TSGA10: variants seen among roughly 807,000 people sequenced by gnomAD.
TSGA10 encodes testis-specific gene 10 protein.
TSGA10 carries 43 observed loss-of-function variants against 96.6 expected under a neutral mutation model. The observed-to-expected ratio is 0.44, with a 90% CI of 0.35 to 0.57. The LOEUF is 0.57. Ranked by LOEUF, TSGA10 falls within the 20% of genes least tolerant of loss-of-function variation. The pLI, the probability that TSGA10 is intolerant of heterozygous loss-of-function variation, is 0.01. For synonymous variants in TSGA10, 229 were observed against 269.9 expected, an observed-to-expected ratio of 0.85 and a Z score of 1.48; for missense variants, 703 against 834.4, an observed-to-expected ratio of 0.84 and a Z score of 1.94.
At chr2:99,117,931 A>G (rs993656163) in intron 3 of TSGA10, among the ~76,000 whole-genome samples, 172 bp from the exon 4 acceptor site, 1 of 152,130 alleles carries the variant, frequency 6.6e-6, no homozygotes, top group Non-Finnish European at 1.5e-5. Context: ...TACCTATTTG[A>G]AAAAATATAT....
chr2:99,144,707 T>C (rs935198740), intron 1 of TSGA10, among the ~76,000 whole-genome samples: 1 of 146,872 alleles, frequency 6.8e-6, no homozygotes, highest in Non-Finnish European at 1.5e-5. Flanking sequence ...TGGTCTCTGT[T>C]ACTCCATCAT....
chr2:99,144,296 C>T lies in TSGA10; in HGVS notation c.-621+10397G>A, dbSNP rs1194248241. 3.3e-5 allele frequency among the ~76,000 whole-genome samples: 5 copies of T among 152,228 alleles called. No individual in the cohort carries two copies. The South Asian group carries it at 1.0e-3, about 32-fold the overall frequency. On this transcript the variant is annotated intron_variant, in intron 1 of 20. Transcript: ENST00000393483. The stretch of plus-strand genomic sequence containing the variant: ...TCGGCCTCCCAAAGTGCTGGGATTA[C>T]AGGCATGAGCCACCGCGCCCGGCCT...
chr2:99,015,709 G>A (rs566489285), intron 20 of TSGA10, among the ~76,000 whole-genome samples: 1 of 152,234 alleles, frequency 6.6e-6, no homozygotes, highest in East Asian at 1.9e-4. Flanking sequence ...AACTATCACT[G>A]TTCACTGACG....
At chr2:99,107,433 C>T (rs770581973) in intron 7 of TSGA10, among the ~76,000 whole-genome samples, 1 of 151,966 alleles carries the variant, frequency 6.6e-6, no homozygotes, top group Non-Finnish European at 1.5e-5. Flanking sequence ...AAAAATGATA[C>T]TTTGTTCATA....
chr2:99,066,545 A>G (rs1177701949), intron 15 of TSGA10, among the ~76,000 whole-genome samples: 2 of 152,172 alleles, frequency 1.3e-5, no homozygotes, highest in Non-Finnish European at 2.9e-5. Flanking sequence ...TAAAGCAGGA[A>G]CCATTTTTAT....
At chr2:99,147,700 GTAA>G (rs905713225) in intron 1 of TSGA10, among the ~76,000 whole-genome samples, 2 of 152,070 alleles carry the variant, frequency 1.3e-5, no homozygotes, top group Non-Finnish European at 2.9e-5. Flanking sequence ...CTACAGAAAT[GTAA>G]TAATAATAAT....
intron 16 of TSGA10, among the ~76,000 whole-genome samples, chr2:99,047,937 T>C (rs552045442): frequency 3.2e-4 from 49 of 152,090 alleles, no homozygotes; most frequent in African/African-American, 1.1e-3. Flanking sequence ...ATAGACAAAC[T>C]GAGGGCTAAA....
intron 1 of TSGA10, among the ~76,000 whole-genome samples, chr2:99,130,206 C>T (rs1307781312): frequency 6.6e-6 from 1 of 152,198 alleles, no homozygotes; most frequent in Non-Finnish European, 1.5e-5. Context: ...GGAATCGCCA[C>T]ACTGTCTTCC....
At chr2:99,030,010 G>A (rs201255395) in intron 17 of TSGA10, among the ~76,000 whole-genome samples, 1 of 152,334 alleles carries the variant, frequency 6.6e-6, no homozygotes, top group Admixed American at 6.5e-5. Context: ...GAACTAGTAA[G>A]TGGATTTGGC....
chr2:99,150,694 A>C, intron 1 of TSGA10: 1 of 1,614,116 alleles, frequency 6.2e-7, no homozygotes, highest in Non-Finnish European at 8.5e-7. Flanking sequence ...AAACACCAAG[A>C]AAATAAGATT....
At chr2:99,123,167 T>C (rs1328420154) in intron 2 of TSGA10, among the ~76,000 whole-genome samples, 1 of 152,208 alleles carries the variant, frequency 6.6e-6, no homozygotes, top group East Asian at 1.9e-4. Context: ...GCATGGTTTC[T>C]CTCTGGTTAC....
chr2:99,140,274 C>A (rs1473447275), intron 1 of TSGA10, among the ~76,000 whole-genome samples: 1 of 152,172 alleles, frequency 6.6e-6, no homozygotes, highest in African/African-American at 2.4e-5. Context: ...AATGCGACAT[C>A]CTACTTCTAT....
intron 1 of TSGA10, among the ~76,000 whole-genome samples, chr2:99,134,557 C>A (rs968456011): frequency 6.6e-6 from 1 of 152,026 alleles, no homozygotes; most frequent in Non-Finnish European, 1.5e-5. Context: ...TTGTTATTAC[C>A]CACCTTCTGA....
At chr2:99,068,763 A>G (rs2085565470) in intron 15 of TSGA10, 125 bp downstream of exon 15, 1 of 426,562 alleles carries the variant, frequency 2.3e-6, no homozygotes, top group East Asian at 3.6e-5. Context: ...CACCATTGTC[A>G]AAACTAAAAT....
At position 99,102,648 on chromosome 2, in the gene TSGA10, G is replaced by A. The variant is rs2090903820; in HGVS notation, c.611+1319C>T. 8.1e-6 allele frequency: 13 copies of A among 1,613,962 alleles called. No homozygotes were observed. The South Asian group carries it at 1.4e-4, about 18-fold the overall frequency. ...TAGGCCTGAACTGCTTGAGTCAGCT[G>A]ACAAATTCTATGGTGTAAAGTTCAG... On this transcript the variant is annotated intron_variant, in intron 10 of 20. Transcript: ENST00000393483.
chr2:99,139,908 G>T (rs2093467343), intron 1 of TSGA10, among the ~76,000 whole-genome samples: 1 of 152,152 alleles, frequency 6.6e-6, no homozygotes, highest in Non-Finnish European at 1.5e-5. Context: ...TATGTAATCT[G>T]AAAAGGTGAT....
At chr2:99,071,613 C>A (rs2085972306) in intron 14 of TSGA10, 93 bp downstream of exon 14, 5 of 1,242,826 alleles carry the variant, frequency 4.0e-6, no homozygotes, top group Non-Finnish European at 4.5e-6. Flanking sequence ...GTTCCAGTGT[C>A]TGAGCTCTTC....
intron 1 of TSGA10, among the ~76,000 whole-genome samples, chr2:99,134,122 T>C (rs148495499): frequency 4.8e-4 from 73 of 152,292 alleles, no homozygotes; most frequent in African/African-American, 1.7e-3. Flanking sequence ...TGAATTGGAA[T>C]GTTGGCCTGC....
chr2:99,077,478 G>A (rs1399339091), intron 12 of TSGA10, among the ~76,000 whole-genome samples: 1 of 152,174 alleles, frequency 6.6e-6, no homozygotes, highest in Non-Finnish European at 1.5e-5. Context: ...TGTGAAAACA[G>A]CTTAGGAACT....
Sources: allele counts gnomAD v4.1 joint callset (sites outside exome capture counted in the v4.1 genomes callset), GRCh38; gene constraint gnomAD v4.1.1; transcripts MANE v1.5; gene names NCBI Gene and HGNC (gene_info 2026-07-23, HGNC 2026-07-21).